Variants in EFCAB8 observed in about 807,000 individuals in gnomAD.
The protein encoded by EFCAB8 is EF-hand calcium-binding domain-containing protein 8.
A neutral mutation model predicts 116.3 loss-of-function variants in EFCAB8; 100 were observed. The ratio of observed to expected loss-of-function variants is 0.86; its 90% CI spans 0.73 to 1.02. The LOEUF (loss-of-function observed/expected upper bound fraction) is 1.02, where lower values mean the gene tolerates loss of function less well. Among genes scored for constraint, EFCAB8 ranks in the 50% least tolerant of loss-of-function variants. The pLI is 0.00. For synonymous variants in EFCAB8, 558 were observed against 567.9 expected, an observed-to-expected ratio of 0.98 and a Z score of 0.25; for missense variants, 1,320 against 1,416.9, an observed-to-expected ratio of 0.93 and a Z score of 1.10.
chr20:32,954,042 G>A (rs1050953923), intron 23 of EFCAB8, among the ~76,000 whole-genome samples: 1 of 152,148 alleles, frequency 6.6e-6, no homozygotes. Context: ...CAGGCCTCAG[G>A]TGATACACCT....
intron 18 of EFCAB8, 129 bp downstream of exon 18, chr20:32,917,634 G>T: frequency 9.5e-7 from 1 of 1,053,890 alleles, no homozygotes. Flanking sequence ...TGGATGGGGT[G>T]GGGAGCTTGG....
intron 16 of EFCAB8, among the ~76,000 whole-genome samples, chr20:32,912,174 C>T (rs569053831): frequency 8.3e-4 from 127 of 152,216 alleles, no homozygotes; most frequent in African/African-American, 2.7e-3. Context: ...CAGTGGCTCA[C>T]GCCTGTAATC....
chr20:32,888,247 A>T (rs1021395769), intron 6 of EFCAB8, among the ~76,000 whole-genome samples: 3 of 151,906 alleles, frequency 2.0e-5, no homozygotes, highest in African/African-American at 4.8e-5. Flanking sequence ...CTTTTTTGAG[A>T]TGGAGTCTTG....
intron 8 of EFCAB8, among the ~76,000 whole-genome samples, chr20:32,892,782 G>A (rs535694343): frequency 2.0e-4 from 31 of 152,226 alleles, no homozygotes; most frequent in African/African-American, 7.5e-4. Context: ...CTTCCAAGGA[G>A]GAGGGAAGCT....
At chr20:32,872,925 C>T (rs1445180623) in intron 3 of EFCAB8, among the ~76,000 whole-genome samples, 1 of 151,734 alleles carries the variant, frequency 6.6e-6, no homozygotes, top group Non-Finnish European at 1.5e-5. Flanking sequence ...AACCCTGTCT[C>T]TACTAAAAAT....
intron 4 of EFCAB8, among the ~76,000 whole-genome samples, chr20:32,877,568 G>C (rs6058925): frequency 6.6e-6 from 1 of 152,058 alleles, no homozygotes; most frequent in Non-Finnish European, 1.5e-5. Context: ...GAGGCCAACT[G>C]AAAGAAAAAG....
At chr20:32,951,335 C>G (rs1394804683) in intron 23 of EFCAB8, among the ~76,000 whole-genome samples, 1 of 152,124 alleles carries the variant, frequency 6.6e-6, no homozygotes, top group African/African-American at 2.4e-5. Flanking sequence ...TATCACTCAG[C>G]AATAAAACAG....
chr20:32,959,696 G>A (rs1989079098), intron 24 of EFCAB8, 82 bp from the exon 25 acceptor site: 2 of 1,040,806 alleles, frequency 1.9e-6, no homozygotes, highest in South Asian at 3.4e-5. Context: ...GGCCAGGAAG[G>A]GGAGAGGCTT....
chr20:32,892,153 TGACTGAAGACCTCCCA>T, intron 7 of EFCAB8, 44 bp from the exon 8 acceptor site: 1 of 1,445,286 alleles, frequency 6.9e-7, no homozygotes, highest in Non-Finnish European at 9.5e-7. Context: ...CTGCTCACTG[TGACTGAAGACCTCCCA>T]GGCATGGCTG....
intron 22 of EFCAB8, among the ~76,000 whole-genome samples, chr20:32,939,201 TTCCTCTCTCTCTC>T (rs1988297775): frequency 2.6e-5 from 2 of 76,476 alleles, no homozygotes; most frequent in Admixed American, 2.5e-4. Flanking sequence ...CTTTCTTTCT[TTCCTCTCTCTCTC>T]TCTCTCTCTC....
chr20:32,913,479 A>G (rs28464223), intron 17 of EFCAB8, among the ~76,000 whole-genome samples: 22,660 of 152,114 alleles, frequency 0.15, 3,920 homozygotes, highest in African/African-American at 0.42. Flanking sequence ...TTTGGGAGCA[A>G]AATTCAGTCT....
chr20:32,870,144 C>G (rs995628563), intron 3 of EFCAB8, among the ~76,000 whole-genome samples: 1 of 152,168 alleles, frequency 6.6e-6, no homozygotes, highest in Non-Finnish European at 1.5e-5. Flanking sequence ...AAGAAATCTC[C>G]AGTTTACGAA....
chr20:32,894,535 G>T (rs1228298028), intron 9 of EFCAB8, among the ~76,000 whole-genome samples: 1 of 152,232 alleles, frequency 6.6e-6, no homozygotes, highest in Non-Finnish European at 1.5e-5. Context: ...GTTTGGGCAG[G>T]AGTCCTTCCA....
At chr20:32,860,344 C>T (rs1302889052) in intron 1 of EFCAB8, among the ~76,000 whole-genome samples, 1 of 151,872 alleles carries the variant, frequency 6.6e-6, no homozygotes, top group Non-Finnish European at 1.5e-5. Flanking sequence ...TGTAGAATAT[C>T]CTGTAATGTG....
At chr20:32,914,987 T>A (rs1987116060) in intron 17 of EFCAB8, among the ~76,000 whole-genome samples, 1 of 152,030 alleles carries the variant, frequency 6.6e-6, no homozygotes, top group Non-Finnish European at 1.5e-5. Flanking sequence ...CAGCCTCAGC[T>A]CCTAGGCTCA....
intron 22 of EFCAB8, among the ~76,000 whole-genome samples, chr20:32,934,750 C>G (rs1988037774): frequency 6.6e-6 from 1 of 152,186 alleles, no homozygotes; most frequent in African/African-American, 2.4e-5. Context: ...CTCATGCTCT[C>G]TTGCCTGCTC....
chr20:32,901,932 C>T (rs977999508), intron 11 of EFCAB8, among the ~76,000 whole-genome samples: 4 of 152,284 alleles, frequency 2.6e-5, no homozygotes, highest in Middle Eastern at 3.4e-3. Flanking sequence ...ATGATTCGCC[C>T]GCCTCGGCCT....
Position 32,909,941 on chromosome 20 carries a change from C to A in EFCAB8, c.1557+10C>A. On this transcript the variant is annotated intron_variant, in intron 15 of 26. Transcript: ENST00000400522. ...CAAGATCTTTAAGCAGGTGAGTGGCCCAGGGCTCGCCTCTGAGGCTGGCGG... is the reference window on the plus strand; with the variant it reads ...CAAGATCTTTAAGCAGGTGAGTGGCACAGGGCTCGCCTCTGAGGCTGGCGG... 2.4e-6 allele frequency: 3 copies of A among 1,236,280 alleles called. No individual in the cohort carries two copies. Among genetic ancestry groups the A allele is most frequent in the Non-Finnish European group, 3.1e-6 (3 of 976,558 alleles). The allele number at this position is 1,236,280 out of a possible 1,614,324, so 76.6% of individuals were successfully genotyped here.
At chr20:32,882,984 C>G (rs540411887) in intron 5 of EFCAB8, among the ~76,000 whole-genome samples, 1 of 152,154 alleles carries the variant, frequency 6.6e-6, no homozygotes, top group East Asian at 1.9e-4. Context: ...CGTAAGCCAC[C>G]GCGCCTGGCC....
Sources: gnomAD v4.1 joint callset for allele counts (sites outside exome capture counted in the v4.1 genomes callset) on GRCh38, gnomAD v4.1.1 for gene constraint, MANE v1.5 for transcripts, NCBI Gene and HGNC (gene_info 2026-07-23, HGNC 2026-07-21) for gene names.